Variants in GBX1 observed in about 807,000 individuals in gnomAD.
GBX1 encodes gastrulation brain homeobox 1.
In GBX1, 9 loss-of-function variants were observed where a neutral mutation model predicts 22.9. The ratio of observed to expected loss-of-function variants is 0.39; its 90% CI spans 0.24 to 0.69. GBX1 has a LOEUF of 0.69. GBX1 is among the 30% of genes least tolerant of loss of function. GBX1 has a pLI of 0.43. For missense variants in GBX1, 494 were observed against 509.2 expected (o/e 0.97, Z 0.29); for synonymous variants, 203 against 227.3 (o/e 0.89, Z 0.96).
At chr7:151,155,565 T>C (rs1191692865) in intron 1 of GBX1, among the ~76,000 whole-genome samples, 1 of 152,098 alleles carries the variant, frequency 6.6e-6, no homozygotes, top group Non-Finnish European at 1.5e-5. Flanking sequence ...CTCTCTGCAC[T>C]CTTCCTATGA....
intron 1 of GBX1, among the ~76,000 whole-genome samples, chr7:151,163,598 A>G (rs1378249481): frequency 6.6e-6 from 1 of 152,214 alleles, no homozygotes; most frequent in African/African-American, 2.4e-5. Flanking sequence ...AAATGTTAAT[A>G]TTGATTAATG....
intron 1 of GBX1, among the ~76,000 whole-genome samples, chr7:151,164,262 G>A (rs1440357791): frequency 6.6e-6 from 1 of 152,184 alleles, no homozygotes; most frequent in Non-Finnish European, 1.5e-5. Flanking sequence ...TTCTTCTAAT[G>A]TTGAGGTTTC....
At chr7:151,155,204 C>T (rs1262051318) in intron 1 of GBX1, among the ~76,000 whole-genome samples, 1 of 152,220 alleles carries the variant, frequency 6.6e-6, no homozygotes, top group African/African-American at 2.4e-5. Flanking sequence ...GTCCGCCCAT[C>T]TTAGGACAAT....
Position 151,167,689 on chromosome 7 carries a change from C to T in GBX1, c.-141G>A. 1 of 857,802 alleles carries T rather than the reference C, an allele frequency of 1.2e-6. No homozygotes were observed. The highest frequency in any genetic ancestry group is 1.4e-6 in the Non-Finnish European group (1 of 691,260). The allele number at this position is 857,802 out of a possible 1,614,324, so 53.1% of individuals were successfully genotyped here. On this transcript the variant is annotated 5_prime_UTR_variant, in exon 1 of 2. Coordinates refer to ENST00000297537, the MANE Select transcript of GBX1 (RefSeq NM_001098834.3). The surrounding 1 kb of genome is among the most constrained non-coding windows in gnomAD (Gnocchi z 5.9). Reference sequence around the variant, plus strand: ...GTGGCGGCGGGGCGCGGGCTCGGCGCAGTGTGGCTCCGGCGCCGCGCTCCC... The same window carrying T: ...GTGGCGGCGGGGCGCGGGCTCGGCGTAGTGTGGCTCCGGCGCCGCGCTCCC...
chr7:151,161,470 T>G (rs1801187381), intron 1 of GBX1, among the ~76,000 whole-genome samples: 1 of 152,250 alleles, frequency 6.6e-6, no homozygotes, highest in African/African-American at 2.4e-5. Context: ...TTCTTCACCC[T>G]TTTGTGCCCT....
At chr7:151,162,075 G>A (rs1801193111) in intron 1 of GBX1, among the ~76,000 whole-genome samples, 1 of 152,202 alleles carries the variant, frequency 6.6e-6, no homozygotes, top group Non-Finnish European at 1.5e-5. Context: ...GGTGAGAATT[G>A]AATCCACGTG....
intron 1 of GBX1, among the ~76,000 whole-genome samples, chr7:151,166,486 C>CAA (rs397889076): frequency 6.8e-5 from 7 of 102,490 alleles, no homozygotes; most frequent in East Asian, 2.9e-4. Context: ...CCCCCCCCCC[C>CAA]AACACACACA....
chr7:151,156,477 T>C (rs1460361989), intron 1 of GBX1, among the ~76,000 whole-genome samples: 1 of 145,904 alleles, frequency 6.9e-6, no homozygotes, highest in Non-Finnish European at 1.5e-5. Context: ...CACAGAGTCC[T>C]AGCCTAATCA....
chr7:151,148,656 G>A lies in GBX1; in HGVS notation c.1025C>T (p.Pro342Leu), dbSNP rs1242271737. 2 of 1,613,988 alleles carry A rather than the reference G, an allele frequency of 1.2e-6. No homozygotes were observed. Among genetic ancestry groups the A allele is most frequent in the East Asian group, 2.2e-5 (1 of 44,876 alleles). Residue 342 changes from proline to leucine, a missense_variant, in exon 2 of 2, where the codon CCT (proline) becomes CTT (leucine). By Grantham distance (98) the Pro-to-Leu change is moderately conservative. Transcript: ENST00000297537. This position sits in a 1 kb window ranked among gnomAD's most constrained non-coding sequence, Gnocchi z 5.1. ...VRNPKIVVPI[P>L]VHVNRFAVRS... ...CACAGCAAACCTGTTGACATGCACA[G>A]GTATGGGGACAACAATCTTGGGGTT...
Position 151,167,214 on chromosome 7 carries a change from G to A in GBX1, c.335C>T (p.Pro112Leu). The change falls in exon 1 of 2, where the codon CCC (proline) becomes CTC (leucine). Residue 112 changes from proline (P) to leucine (L), a missense_variant. Transcript: ENST00000297537. The surrounding 1 kb of genome is among the most constrained non-coding windows in gnomAD (Gnocchi z 5.9). ...CTCCTGGGGCCCGTAGAAAGCGTCG[G>A]GCGGCTCCGCGAAGCTGGGCAGCGC... Reference protein sequence around the residue: ...TTALPSFAEPPDAFYGPQELA... With the variant: ...TTALPSFAEPLDAFYGPQELA... 1 of 1,560,566 alleles carries A rather than the reference G, an allele frequency of 6.4e-7. No individual in the cohort carries two copies. The highest frequency in any genetic ancestry group is 1.2e-5 in the South Asian group (1 of 85,496).
At position 151,148,762 on chromosome 7, in the gene GBX1, T is replaced by A; in HGVS notation, c.919A>T (p.Ile307Phe). Residue 307 changes from isoleucine (I) to phenylalanine (F), a missense_variant, in exon 2 of 2, where the codon ATC becomes TTC. Ile to Phe is a conservative substitution (Grantham distance 21). Coordinates refer to ENST00000297537, the MANE Select transcript of GBX1 (RefSeq NM_001098834.3). This position sits in a 1 kb window ranked among gnomAD's most constrained non-coding sequence, Gnocchi z 5.1. Reference sequence around the variant, plus strand: ...TTGGCCCGTCGATTCTGAAACCAGATCTTGACCTGCACCTCACTGAGCTTG... The same window carrying A: ...TTGGCCCGTCGATTCTGAAACCAGAACTTGACCTGCACCTCACTGAGCTTG... Reference protein sequence around the residue: ...ALKLSEVQVKIWFQNRRAKWK... With the variant: ...ALKLSEVQVKFWFQNRRAKWK... 2 of 1,614,138 alleles carry A rather than the reference T, an allele frequency of 1.2e-6. No individual in the cohort carries two copies. Among genetic ancestry groups the A allele is most frequent in the Non-Finnish European group, 1.7e-6 (2 of 1,180,016 alleles).
chr7:151,149,532 C>T (rs1164685805), intron 1 of GBX1, among the ~76,000 whole-genome samples: 1 of 152,118 alleles, frequency 6.6e-6, no homozygotes, highest in East Asian at 1.9e-4. Flanking sequence ...TGATATACCA[C>T]CCCTCCAGAG....
At chr7:151,155,593 C>T (rs766027093) in intron 1 of GBX1, among the ~76,000 whole-genome samples, 33 of 151,966 alleles carry the variant, frequency 2.2e-4, no homozygotes, top group Non-Finnish European at 3.2e-4. Context: ...GCATTCTTTA[C>T]TCCAAGTCAA....
chr7:151,149,682 C>T (rs933085778), intron 1 of GBX1: 1 of 317,096 alleles, frequency 3.2e-6, no homozygotes, highest in African/African-American at 2.3e-5. Flanking sequence ...AGGGCTCAGC[C>T]TTTGCACTTC....
At chr7:151,164,972 T>TAC (rs530467945) in intron 1 of GBX1, among the ~76,000 whole-genome samples, 11 of 150,540 alleles carry the variant, frequency 7.3e-5, no homozygotes, top group East Asian at 1.9e-4. Context: ...ACAGAACTCT[T>TAC]ACACACACAC....
At chr7:151,158,572 A>G (rs1422388981) in intron 1 of GBX1, among the ~76,000 whole-genome samples, 1 of 152,000 alleles carries the variant, frequency 6.6e-6, no homozygotes, top group Non-Finnish European at 1.5e-5. Flanking sequence ...AGACAGGGAA[A>G]CCGAAAAGAG....
rs80155892 is a variant in GBX1, at chr7:151,165,015, T to C, written c.538+1996A>G. On this transcript the variant is annotated intron_variant, in intron 1 of 1. Transcript: ENST00000297537. ...CACACACACACATACACACACACAC[T>C]CACTCACACTTGTGGTCCAGTAATA... 0.013 allele frequency among the ~76,000 whole-genome samples: 1,915 copies of C among 151,372 alleles called. 159 individuals carry two copies. The East Asian group carries it at 0.25, about 19-fold the overall frequency.
chr7:151,154,160 G>A (rs997686064), intron 1 of GBX1, among the ~76,000 whole-genome samples: 15 of 152,092 alleles, frequency 9.9e-5, no homozygotes, highest in Non-Finnish European at 1.8e-4. Flanking sequence ...GCAGTGAGCA[G>A]AGAGCGCGCC....
At chr7:151,154,221 A>G (rs967124554) in intron 1 of GBX1, among the ~76,000 whole-genome samples, 1 of 152,226 alleles carries the variant, frequency 6.6e-6, no homozygotes, top group South Asian at 2.1e-4. Context: ...AAAAAAAGTA[A>G]ATTTCCAATT....
Sources: allele counts gnomAD v4.1 joint callset (sites outside exome capture counted in the v4.1 genomes callset), GRCh38; gene constraint gnomAD v4.1.1; non-coding constraint Gnocchi (gnomAD v3.1); transcripts MANE v1.5; gene names NCBI Gene and HGNC (gene_info 2026-07-23, HGNC 2026-07-21).